PRMT8: variants seen among roughly 807,000 people sequenced by gnomAD.
PRMT8 encodes protein arginine methyltransferase 8, also known as protein arginine N-methyltransferase 8.
PRMT8 carries 7 observed loss-of-function variants against 47.1 expected under a neutral mutation model. The ratio of observed to expected loss-of-function variants is 0.15; its 90% CI spans 0.08 to 0.28. The LOEUF is 0.28. Among genes scored for constraint, PRMT8 ranks in the 10% least tolerant of loss-of-function variants. The pLI, the probability that PRMT8 is intolerant of heterozygous loss-of-function variation, is 1.00. For synonymous variants in PRMT8, 188 were observed against 186.5 expected (o/e 1.01, Z -0.07); for missense variants, 237 against 505.4 (o/e 0.47, Z 5.09).
chr12:3,577,040 AC>A (rs1866958455), intron 7 of PRMT8, 54 bp downstream of exon 7: 3 of 1,473,766 alleles, frequency 2.0e-6, no homozygotes, highest in Non-Finnish European at 2.8e-6. Context: ...CCGCTGTGCC[AC>A]CCTGGAGTCC....
intron 1 of PRMT8, among the ~76,000 whole-genome samples, chr12:3,408,959 G>T (rs559706467): frequency 1.3e-5 from 2 of 152,314 alleles, no homozygotes; most frequent in Admixed American, 1.3e-4. Flanking sequence ...TTATCCACAA[G>T]GGTGAGTTTT....
chr12:3,578,886 C>T (rs1388582934), intron 7 of PRMT8, among the ~76,000 whole-genome samples: 1 of 152,132 alleles, frequency 6.6e-6, no homozygotes, highest in East Asian at 1.9e-4. Flanking sequence ...ATCAGATGCC[C>T]CCTCTCTTTA....
At chr12:3,560,846 C>T (rs780288689) in intron 4 of PRMT8, among the ~76,000 whole-genome samples, 1 of 152,192 alleles carries the variant, frequency 6.6e-6, no homozygotes, top group South Asian at 2.1e-4. Context: ...CTCTATTTGC[C>T]CCCTTTAGAG....
intron 1 of PRMT8, among the ~76,000 whole-genome samples, chr12:3,461,705 G>C (rs2137088575): frequency 6.7e-6 from 1 of 150,266 alleles, no homozygotes; most frequent in African/African-American, 2.5e-5. Context: ...AGAGAAGCAG[G>C]GGCCATTCGT....
At chr12:3,442,300 C>G (rs61259527) in intron 1 of PRMT8, among the ~76,000 whole-genome samples, 11,282 of 151,170 alleles carry the variant, frequency 0.075, 443 homozygotes, top group Middle Eastern at 0.14. Context: ...TCTTTTGAAC[C>G]GAAAAAACAG....
intron 3 of PRMT8, chr12:3,553,315 G>A (rs3825340): frequency 8.3e-6 from 3 of 360,688 alleles, no homozygotes; most frequent in East Asian, 1.1e-4. Flanking sequence ...CGTCCCCCAC[G>A]GTGGGGAGGA....
intron 9 of PRMT8, among the ~76,000 whole-genome samples, chr12:3,592,774 G>T (rs1867335957): frequency 6.6e-6 from 1 of 152,206 alleles, no homozygotes; most frequent in Non-Finnish European, 1.5e-5. Flanking sequence ...GTGGGCATGA[G>T]CGCTAAAAAC....
chr12:3,394,381 T>A (rs945298392), intron 1 of PRMT8, among the ~76,000 whole-genome samples: 1,783 of 152,236 alleles, frequency 0.012, 23 homozygotes, highest in South Asian at 0.067. Context: ...TTGAAATACG[T>A]CCCATCAATA....
At chr12:3,414,036 T>C (rs994356381) in intron 1 of PRMT8, among the ~76,000 whole-genome samples, 3 of 152,162 alleles carry the variant, frequency 2.0e-5, no homozygotes, top group African/African-American at 7.2e-5. Context: ...TAGGTCAAAT[T>C]GTTAGTAGTG....
In PRMT8 at chr12:3,453,792, C is replaced by T. The variant is rs562746638; in HGVS notation, c.48+72350C>T. Among the ~76,000 whole-genome samples, 1 of 152,258 alleles carries T rather than the reference C, an allele frequency of 6.6e-6. No homozygotes were observed. Among genetic ancestry groups the T allele is most frequent in the East Asian group, 1.9e-4 (1 of 5,174 alleles). ...CTGTGGACCCCCTTGTCCTCCTGCC[C>T]GCTGTGTCTATTTCTCAGCTCCTGC... On this transcript the variant is annotated intron_variant, in intron 1 of 9. Coordinates refer to the PRMT8 transcript ENST00000452611. The surrounding 1 kb of genome is among the most constrained non-coding windows in gnomAD (Gnocchi z 4.9).
At chr12:3,397,550 A>C (rs1239611892) in intron 1 of PRMT8, among the ~76,000 whole-genome samples, 3 of 151,336 alleles carry the variant, frequency 2.0e-5, no homozygotes, top group Non-Finnish European at 2.9e-5. Context: ...GACCCACTTG[A>C]GGAGGCAGTC....
At chr12:3,527,244 G>A (rs190334121) in intron 1 of PRMT8, among the ~76,000 whole-genome samples, 106 of 152,072 alleles carry the variant, frequency 7.0e-4, no homozygotes, top group African/African-American at 2.3e-3. Flanking sequence ...ACCTCTAGTG[G>A]ATCCCTGAAA....
At position 3,466,177 on chromosome 12, in the gene PRMT8, A is replaced by T. The variant is rs1308264233; in HGVS notation, c.49-74429A>T. Among the ~76,000 whole-genome samples, 8 of 152,204 alleles carry T rather than the reference A, an allele frequency of 5.3e-5. No homozygotes were observed. The East Asian group carries it at 1.5e-3, about 29-fold the overall frequency. ...GCCACTAATTTGCTGTGTGAGCTTG[A>T]ATAAGTCACATTTCTTTTCCAGGAC... is the stretch of plus-strand genomic sequence containing the variant. On this transcript the variant is annotated intron_variant, in intron 1 of 9. Transcript: ENST00000452611.
chr12:3,591,692 C>T (rs1363428197), intron 8 of PRMT8, among the ~76,000 whole-genome samples: 1 of 152,040 alleles, frequency 6.6e-6, no homozygotes, highest in African/African-American at 2.4e-5. Context: ...CTATGTGTGC[C>T]CAGCAGGAAA....
intron 1 of PRMT8, among the ~76,000 whole-genome samples, chr12:3,527,823 C>A (rs567112902): frequency 6.6e-6 from 1 of 152,036 alleles, no homozygotes; most frequent in South Asian, 2.1e-4. Flanking sequence ...CTGTAGTATG[C>A]GCCTGTGAAT....
At chr12:3,565,481 C>T (rs1866704369) in intron 4 of PRMT8, among the ~76,000 whole-genome samples, 1 of 152,150 alleles carries the variant, frequency 6.6e-6, no homozygotes, top group Admixed American at 6.5e-5. Flanking sequence ...ACAAAGGGCT[C>T]ATCTCCTCAC....
intron 4 of PRMT8, among the ~76,000 whole-genome samples, chr12:3,567,347 A>G (rs1440424970): frequency 6.6e-6 from 1 of 152,210 alleles, no homozygotes; most frequent in Non-Finnish European, 1.5e-5. Flanking sequence ...CTGGCACTTA[A>G]ACCTAGGTTT....
intron 1 of PRMT8, among the ~76,000 whole-genome samples, chr12:3,424,650 G>C (rs1400679497): frequency 6.6e-6 from 1 of 152,084 alleles, no homozygotes; most frequent in Non-Finnish European, 1.5e-5. Flanking sequence ...TGTGGACATG[G>C]GAGGCTCAGA....
chr12:3,561,954 T>G (rs1866643845), intron 4 of PRMT8, among the ~76,000 whole-genome samples: 2 of 152,326 alleles, frequency 1.3e-5, no homozygotes. Context: ...GAGAGCTGAC[T>G]GTGAAAGTTT....
Sources: allele counts gnomAD v4.1 joint callset (sites outside exome capture counted in the v4.1 genomes callset), GRCh38; gene constraint gnomAD v4.1.1; non-coding constraint Gnocchi (gnomAD v3.1); transcripts MANE v1.5; gene names NCBI Gene and HGNC (gene_info 2026-07-23, HGNC 2026-07-21).